CHRM3: variants seen among roughly 807,000 people sequenced by gnomAD.
CHRM3 encodes the protein muscarinic acetylcholine receptor M3.
CHRM3 carries 11 observed loss-of-function variants against 41.8 expected under a neutral mutation model. The ratio of observed to expected loss-of-function variants is 0.26; its 90% CI spans 0.17 to 0.44. CHRM3 has a LOEUF of 0.44. CHRM3 is among the 20% of genes least tolerant of loss of function. The pLI is 1.00. For synonymous variants in CHRM3, 297 were observed against 301.4 expected (o/e 0.99, Z 0.15); for missense variants, 571 against 745.4 (o/e 0.77, Z 2.72).
At chr1:239,818,735 G>C (rs1671797635) in intron 5 of CHRM3, among the ~76,000 whole-genome samples, 1 of 152,184 alleles carries the variant, frequency 6.6e-6, no homozygotes, top group African/African-American at 2.4e-5. Context: ...AAATAGAATG[G>C]ATGTTCTGCT....
intron 2 of CHRM3, among the ~76,000 whole-genome samples, chr1:239,496,786 T>G (rs1332469869): frequency 6.6e-6 from 1 of 152,118 alleles, no homozygotes; most frequent in Non-Finnish European, 1.5e-5. Flanking sequence ...GGGTCCTCTT[T>G]GGTTGCATGT....
intron 2 of CHRM3, among the ~76,000 whole-genome samples, chr1:239,508,709 A>G (rs912876701): frequency 1.3e-5 from 2 of 152,178 alleles, no homozygotes; most frequent in African/African-American, 2.4e-5. Flanking sequence ...TGTTCAACAT[A>G]TAATTATTGA....
chr1:239,640,468 T>C (rs990463904), intron 4 of CHRM3, among the ~76,000 whole-genome samples: 2 of 152,212 alleles, frequency 1.3e-5, no homozygotes, highest in African/African-American at 4.8e-5. Flanking sequence ...ATTCAGAGAT[T>C]CAACTTCTTC....
chr1:239,420,722 C>T (rs1661886900), intron 1 of CHRM3, among the ~76,000 whole-genome samples: 1 of 152,082 alleles, frequency 6.6e-6, no homozygotes, highest in African/African-American at 2.4e-5. Flanking sequence ...TGCCTGCTTT[C>T]CCAGTTATTC....
chr1:239,811,668 C>A (rs1202098394), intron 5 of CHRM3, among the ~76,000 whole-genome samples: 3 of 152,174 alleles, frequency 2.0e-5, no homozygotes, highest in East Asian at 3.9e-4. Context: ...GGCTGCCTAA[C>A]CTTTAGAAAT....
chr1:239,407,405 A>AATATATATATATAT (rs143680510), intron 1 of CHRM3, among the ~76,000 whole-genome samples: 9 of 137,030 alleles, frequency 6.6e-5, no homozygotes, highest in Admixed American at 5.1e-4. Context: ...AATGACTATA[A>AATATATATATATAT]ATATATATAT....
At chr1:239,406,931 C>G (rs557177601) in intron 1 of CHRM3, among the ~76,000 whole-genome samples, 58 of 152,226 alleles carry the variant, frequency 3.8e-4, no homozygotes, top group African/African-American at 1.3e-3. Flanking sequence ...GGTGAAGAAG[C>G]CAAATCTTTT....
chr1:239,550,456 G>A (rs1659708289), intron 3 of CHRM3, among the ~76,000 whole-genome samples: 2 of 152,112 alleles, frequency 1.3e-5, no homozygotes, highest in Admixed American at 1.3e-4. Flanking sequence ...TCAACCAATA[G>A]TTACTGATAA....
intron 2 of CHRM3, among the ~76,000 whole-genome samples, chr1:239,530,737 G>A (rs1471295476): frequency 6.6e-6 from 1 of 152,116 alleles, no homozygotes; most frequent in Non-Finnish European, 1.5e-5. Context: ...GTCTTGAGAT[G>A]GCAGAAGAAA....
intron 6 of CHRM3, among the ~76,000 whole-genome samples, chr1:239,871,598 C>T (rs1032423945): frequency 2.8e-4 from 42 of 152,252 alleles, no homozygotes; most frequent in South Asian, 6.2e-4. Flanking sequence ...CCATAGTAAA[C>T]GTCAGTCATA....
At chr1:239,613,696 C>T (rs769676254) in intron 3 of CHRM3, among the ~76,000 whole-genome samples, 33 of 152,280 alleles carry the variant, frequency 2.2e-4, no homozygotes, top group South Asian at 6.2e-4. Flanking sequence ...GTCTCTCCCC[C>T]GGCAGTCTTC....
intron 3 of CHRM3, among the ~76,000 whole-genome samples, chr1:239,550,934 A>G (rs1403399945): frequency 6.6e-6 from 1 of 152,026 alleles, no homozygotes; most frequent in Non-Finnish European, 1.5e-5. Flanking sequence ...TTTTATTATA[A>G]TAACTATTTT....
chr1:239,403,754 G>A (rs564242196), intron 1 of CHRM3, among the ~76,000 whole-genome samples: 28 of 151,974 alleles, frequency 1.8e-4, no homozygotes, highest in African/African-American at 6.5e-4. Flanking sequence ...GATCATGTGT[G>A]GCCCAGGATC....
At chr1:239,414,829 T>C (rs1202669287) in intron 1 of CHRM3, among the ~76,000 whole-genome samples, 1 of 152,230 alleles carries the variant, frequency 6.6e-6, no homozygotes, top group Non-Finnish European at 1.5e-5. Flanking sequence ...GAATAATTTA[T>C]TGGTAAAAAT....
At chr1:239,525,309 A>G (rs1046825798) in intron 2 of CHRM3, among the ~76,000 whole-genome samples, 7 of 151,900 alleles carry the variant, frequency 4.6e-5, no homozygotes, top group African/African-American at 1.7e-4. Flanking sequence ...ACTGCTCTCC[A>G]GCCCTGGTGA....
At chr1:239,398,054 G>A (rs955323414) in intron 1 of CHRM3, among the ~76,000 whole-genome samples, 61 of 151,952 alleles carry the variant, frequency 4.0e-4, no homozygotes, top group African/African-American at 1.5e-3. Context: ...GTGGAACTCG[G>A]GAAGGTCATT....
At chr1:239,904,476 T>C (rs1483426665) in intron 6 of CHRM3, among the ~76,000 whole-genome samples, 2 of 152,130 alleles carry the variant, frequency 1.3e-5, no homozygotes, top group Non-Finnish European at 2.9e-5. Flanking sequence ...AATGGAGAGA[T>C]AACAAGGCAA....
chr1:239,556,470 T>C (rs1263186571), intron 3 of CHRM3, among the ~76,000 whole-genome samples: 1 of 152,234 alleles, frequency 6.6e-6, no homozygotes, highest in Non-Finnish European at 1.5e-5. Context: ...TTGCCCTTTT[T>C]TTCCACTACT....
chr1:239,680,125 T>C (rs1658422636), intron 5 of CHRM3, among the ~76,000 whole-genome samples: 1 of 152,102 alleles, frequency 6.6e-6, no homozygotes, highest in African/African-American at 2.4e-5. Flanking sequence ...ATCTCACCAC[T>C]CTTCTCTGAT....
Sources: gnomAD v4.1 joint callset for allele counts (sites outside exome capture counted in the v4.1 genomes callset) on GRCh38, gnomAD v4.1.1 for gene constraint, MANE v1.5 for transcripts, NCBI Gene and HGNC (gene_info 2026-07-23, HGNC 2026-07-21) for gene names.